Variants in SYCP2 observed in about 807,000 individuals in gnomAD.
SYCP2 encodes the protein synaptonemal complex lateral element protein.
In SYCP2, 55 loss-of-function variants were observed where a neutral mutation model predicts 211.3. The ratio of observed to expected loss-of-function variants is 0.26; its 90% confidence interval spans 0.21 to 0.33. The LOEUF (loss-of-function observed/expected upper bound fraction) is 0.33. Among genes scored for constraint, SYCP2 ranks in the 10% least tolerant of loss-of-function variants. The pLI, the probability that SYCP2 is intolerant of heterozygous loss-of-function variation, is 1.00. For missense variants in SYCP2, 1,731 were observed against 1,752.0 expected, an observed-to-expected ratio of 0.99 and a Z score of 0.21; for synonymous variants, 570 against 555.2, an observed-to-expected ratio of 1.03 and a Z score of -0.37.
Position 59,920,495 on chromosome 20 carries a change from A to G in SYCP2, c.169-8T>C, listed in dbSNP as rs1316008315. On this transcript the variant is annotated splice_polypyrimidine_tract_variant and splice_region_variant and intron_variant, in intron 4 of 44. Coordinates refer to ENST00000357552, the MANE Select transcript of SYCP2 (RefSeq NM_014258.4). ...ATCCTCTTTATTAAGTTCCTGAAAT[A>G]AAAGGTATACATTAAAATTTCTGTA... is the stretch of plus-strand genomic sequence containing the variant. 3.2e-6 allele frequency: 5 copies of G among 1,583,662 alleles called. No homozygotes were observed. The East Asian group carries it at 9.1e-5, about 29-fold the overall frequency.
Position 59,912,308 on chromosome 20 carries a change from C to T in SYCP2, c.876+65G>A, listed in dbSNP as rs2060346609. On this transcript the variant is annotated intron_variant, in intron 13 of 44. Coordinates refer to ENST00000357552, the MANE Select transcript of SYCP2 (RefSeq NM_014258.4). ...TTAGTGTTCTTATTCATTTTTAACTCATAATTCACTTGACTATCAAAATTC... is the reference window on the plus strand; with the variant it reads ...TTAGTGTTCTTATTCATTTTTAACTTATAATTCACTTGACTATCAAAATTC... 6.0e-6 allele frequency: 4 copies of T among 662,742 alleles called. No homozygotes were observed. The South Asian group carries it at 7.0e-5, about 12-fold the overall frequency. 41.1% of individuals were successfully genotyped at this position (662,742 alleles called of 1,614,324 possible).
chr20:59,907,148 T>C (rs2060229088), intron 15 of SYCP2, among the ~76,000 whole-genome samples: 1 of 152,026 alleles, frequency 6.6e-6, no homozygotes, highest in Admixed American at 6.6e-5. Context: ...GGATCACTGG[T>C]TTTAGACTAG....
chr20:59,907,351 A>G lies in SYCP2; in HGVS notation c.1033+13T>C. ...GAATTAAGAAAATTATTAGAAAAAA[A>G]CAAGTTTAATACCTTCAATGCTGTA... On this transcript the variant is annotated intron_variant, in intron 15 of 44. Coordinates refer to ENST00000357552, the MANE Select transcript of SYCP2 (RefSeq NM_014258.4). 1 of 1,561,630 alleles carries G rather than the reference A, an allele frequency of 6.4e-7. No individual in the cohort carries two copies. The highest frequency in any genetic ancestry group is 8.8e-7 in the Non-Finnish European group (1 of 1,139,596).
intron 24 of SYCP2, among the ~76,000 whole-genome samples, chr20:59,889,977 G>A (rs186789047): frequency 3.1e-4 from 47 of 152,088 alleles, no homozygotes; most frequent in Middle Eastern, 3.4e-3. Context: ...TTGTTCAACC[G>A]TTGTGGAAGA....
intron 44 of SYCP2, 107 bp downstream of exon 44, chr20:59,865,281 C>T (rs973523471): frequency 2.1e-5 from 18 of 859,608 alleles, no homozygotes; most frequent in Middle Eastern, 2.7e-4. Flanking sequence ...AAACTATTTT[C>T]TCTCAACCCA....
chr20:59,921,188 TTTATATAATTATG>T (rs2060535554), intron 4 of SYCP2, 109 bp downstream of exon 4: 1 of 689,438 alleles, frequency 1.5e-6, no homozygotes, highest in Non-Finnish European at 2.3e-6. Flanking sequence ...TAAGCATTTA[TTTATATAATTATG>T]ACTGAGCTTG....
rs763625631 is a variant in SYCP2, at chr20:59,873,958, A to T, written c.3453T>A (p.Ser1151Arg). Residue 1151 changes from serine (S) to arginine (R), a missense_variant, in exon 35 of 45, where the codon AGT (serine) becomes AGA (arginine). Physicochemically the swap from Ser to Arg is moderately radical, Grantham distance 110. Around this residue, in one of 3 missense-constraint regions of SYCP2, gnomAD observed 1,387 missense variants for 1,351.3 expected, o/e 1.03. Coordinates refer to ENST00000357552, the MANE Select transcript of SYCP2 (RefSeq NM_014258.4). ...TTATTGTACCTCCAACTCCACTGTT[A>T]CTATTTAAGGATTCAAGTGATGAAG... Reference protein sequence around the residue: ...PKTSSLESLNSNSGVGGTIKS... With the variant: ...PKTSSLESLNRNSGVGGTIKS... 6.2e-7 allele frequency: 1 copy of T among 1,613,348 alleles called. No individual in the cohort carries two copies. The highest frequency in any genetic ancestry group is 1.1e-5 in the South Asian group (1 of 91,032).
chr20:59,870,044 C>A (rs1215767229), intron 35 of SYCP2, 61 bp from the exon 36 acceptor site: 16 of 1,116,946 alleles, frequency 1.4e-5, no homozygotes, highest in Non-Finnish European at 2.0e-5. Context: ...AAGCCCCCCA[C>A]TTCAAAAAGA....
intron 35 of SYCP2, among the ~76,000 whole-genome samples, chr20:59,871,454 G>A (rs1292377793): frequency 2.0e-5 from 3 of 151,856 alleles, no homozygotes; most frequent in Non-Finnish European, 2.9e-5. Flanking sequence ...GCAGCATGGG[G>A]GAATGTCTCA....
Position 59,911,855 on chromosome 20 carries a change from T to C in SYCP2, c.877-10A>G. On this transcript the variant is annotated splice_polypyrimidine_tract_variant and intron_variant, in intron 13 of 44. Coordinates refer to ENST00000357552, the MANE Select transcript of SYCP2 (RefSeq NM_014258.4). ...CTGATGGTATTTGCAGCTAATAAAA[T>C]AAACATACAAAACTGGAATATACAA... 6.9e-7 allele frequency: 1 copy of C among 1,440,138 alleles called. No individual in the cohort carries two copies. The highest frequency in any genetic ancestry group is 9.6e-7 in the Non-Finnish European group (1 of 1,038,936). 89.2% of individuals were successfully genotyped at this position (1,440,138 alleles called of 1,614,324 possible). A position where few individuals can be genotyped will look rare whatever the true frequency, so the allele number is the denominator to read the frequency against.
chr20:59,933,584 TCCGCGTAGTGTCGGTGGAGCCGC>T lies in SYCP2; in HGVS notation c.-178_-156del, dbSNP rs1367100676. 1 of 151,766 alleles carries T rather than the reference TCCGCGTAGTGTCGGTGGAGCCGC, an allele frequency of 6.6e-6. No homozygotes were observed. The highest frequency in any genetic ancestry group is 1.5e-5 in the Non-Finnish European group (1 of 67,956). 9.4% of individuals were successfully genotyped at this position (151,766 alleles called of 1,614,324 possible). A position where few individuals can be genotyped will look rare whatever the true frequency, so the allele number is the denominator to read the frequency against. On this transcript the variant is annotated 5_prime_UTR_variant, in exon 1 of 45. Transcript: ENST00000357552. ...CTCAACCTGCCTGCGGCAGGAGGCG[TCCGCGTAGTGTCGGTGGAGCCGC>T]CCCCTATGCCGCCGAGCGTCGCAAC...
chr20:59,874,802 G>A (rs1317128164), intron 34 of SYCP2, among the ~76,000 whole-genome samples: 2 of 151,914 alleles, frequency 1.3e-5, no homozygotes, highest in Non-Finnish European at 1.5e-5. Context: ...TTTTTCTTTA[G>A]CAATCATTTA....
rs1261916489 is a variant in SYCP2, at chr20:59,890,480, T to C, written c.2364+1510A>G. ...GGTTGATGGGTGCTGCAAACCACCATGGCACATGTATACCTATGTAACAAA... is the reference window on the plus strand; with the variant it reads ...GGTTGATGGGTGCTGCAAACCACCACGGCACATGTATACCTATGTAACAAA... On this transcript the variant is annotated intron_variant, in intron 24 of 44. Coordinates refer to ENST00000357552, the MANE Select transcript of SYCP2 (RefSeq NM_014258.4). 3.3e-5 allele frequency among the ~76,000 whole-genome samples: 5 copies of C among 152,184 alleles called. No individual in the cohort carries two copies. The East Asian group carries it at 9.6e-4, about 29-fold the overall frequency.
chr20:59,864,763 A>G (rs1003642702), intron 44 of SYCP2, among the ~76,000 whole-genome samples: 2 of 152,046 alleles, frequency 1.3e-5, no homozygotes, highest in South Asian at 2.1e-4. Context: ...ATCCTGTACT[A>G]TGTCAGCATA....
chr20:59,864,557 G>A (rs1367020793), intron 44 of SYCP2, among the ~76,000 whole-genome samples, 169 bp from the exon 45 acceptor site: 1 of 151,942 alleles, frequency 6.6e-6, no homozygotes, highest in African/African-American at 2.4e-5. Context: ...ACAGAATTCT[G>A]TGATCATTAC....
chr20:59,914,661 T>C (rs897280249), intron 10 of SYCP2, among the ~76,000 whole-genome samples: 16 of 152,074 alleles, frequency 1.1e-4, no homozygotes, highest in African/African-American at 3.6e-4. Flanking sequence ...TAAATCACCA[T>C]ATTAAAATTC....
rs151291017 is a variant in SYCP2 at position 59,914,199 on chromosome 20, T to C, written c.687A>G (p.Glu229=). ...GATGTGCCAGTTCTTGTCTTTGTTT[T>C]TCTGTGGTCATTCTACACAAAGCTT... is the stretch of plus-strand genomic sequence containing the variant. ...IVEALCRMTT[E]KQRQELAHQW... is the part of the protein sequence containing the mutation. The change falls in exon 11 of 45, where the codon GAA becomes GAG. Residue 229 remains glutamate, a synonymous_variant. Transcript: ENST00000357552. The C allele has an allele frequency of 9.9e-5, 159 of 1,605,478 alleles. No homozygotes were observed. The African/African-American group carries it at 2.0e-3, about 21-fold the overall frequency.
intron 39 of SYCP2, 57 bp from the exon 40 acceptor site, chr20:59,866,646 G>A: frequency 8.8e-7 from 1 of 1,130,656 alleles, no homozygotes; most frequent in African/African-American, 1.6e-5. Context: ...CTCTAACCAA[G>A]ACTACAGTAA....
chr20:59,886,924 G>T, intron 24 of SYCP2, 90 bp from the exon 25 acceptor site: 2 of 1,026,766 alleles, frequency 1.9e-6, no homozygotes, highest in Non-Finnish European at 2.8e-6. Context: ...GATAAATCTG[G>T]TTCTATTTAT....
Sources: gnomAD v4.1 joint callset for allele counts (sites outside exome capture counted in the v4.1 genomes callset) on GRCh38, gnomAD v4.1.1 for gene constraint, gnomAD v4.1.1 regional missense constraint, MANE v1.5 for transcripts, NCBI Gene and HGNC (gene_info 2026-07-23, HGNC 2026-07-21) for gene names.